The following UBR1 variants were observed in gnomAD, a reference collection of about 807,000 sequenced individuals.
UBR1 encodes the protein E3 ubiquitin-protein ligase UBR1.
A neutral mutation model predicts 242.1 loss-of-function variants in UBR1; 102 were observed. That is an observed-to-expected ratio of 0.42 (90% CI 0.36 to 0.50). The LOEUF is 0.50. Ranked by LOEUF, UBR1 falls within the 20% of genes least tolerant of loss-of-function variation. UBR1 has a pLI of 0.01. For missense variants in UBR1, 1,772 were observed against 2,101.8 expected (o/e 0.84, Z 3.07); for synonymous variants, 675 against 684.8 (o/e 0.99, Z 0.22).
At chr15:42,962,963 A>G (rs959528997) in intron 42 of UBR1, among the ~76,000 whole-genome samples, 1 of 152,228 alleles carries the variant, frequency 6.6e-6, no homozygotes, top group Non-Finnish European at 1.5e-5. Flanking sequence ...GAGGGTCTGG[A>G]AAGATACAGA....
intron 32 of UBR1, 121 bp from the exon 33 acceptor site, chr15:42,998,386 T>C (rs2032672172): frequency 5.8e-6 from 5 of 857,086 alleles, no homozygotes; most frequent in East Asian, 5.3e-5. Context: ...TCCAGATTAA[T>C]TTCCTAGGTC....
At chr15:43,092,211 T>A in intron 1 of UBR1, 1 of 292,576 alleles carries the variant, frequency 3.4e-6, no homozygotes, top group Non-Finnish European at 6.9e-6. Context: ...AACTTATTTA[T>A]CCCTCAAGGC....
rs191472991 is a variant in UBR1, at chr15:43,077,913, G to A, written c.418-2824C>T. ...TCCTCCAAAACATAAAAAGAATAAG[G>A]AGAACACTAAAACCATACATTATCC... On this transcript the variant is annotated intron_variant, in intron 3 of 46. Coordinates refer to ENST00000290650, the MANE Select transcript of UBR1 (RefSeq NM_174916.3). 3.3e-5 allele frequency among the ~76,000 whole-genome samples: 5 copies of A among 152,108 alleles called. No homozygotes were observed. In the East Asian group the frequency reaches 9.7e-4, roughly 29 times the overall value.
intron 15 of UBR1, among the ~76,000 whole-genome samples, chr15:43,038,794 A>G (rs2033373455): frequency 6.6e-6 from 1 of 152,220 alleles, no homozygotes; most frequent in Admixed American, 6.5e-5. Flanking sequence ...TTCTGCCTTT[A>G]GCCACGTATC....
chr15:43,014,857 A>G (rs2032990496), intron 29 of UBR1, among the ~76,000 whole-genome samples: 1 of 141,484 alleles, frequency 7.1e-6, no homozygotes. Context: ...CCGCCCGGCC[A>G]GCCGCCCCGT....
chr15:43,059,311 C>T (rs2141336878), intron 8 of UBR1, 119 bp from the exon 9 acceptor site: 3 of 824,348 alleles, frequency 3.6e-6, no homozygotes, highest in Non-Finnish European at 6.1e-6. Context: ...GCGATCCTTC[C>T]ACCTCAGCCT....
chr15:42,953,907 G>T (rs1179158443), intron 44 of UBR1, among the ~76,000 whole-genome samples: 1 of 146,446 alleles, frequency 6.8e-6, no homozygotes, highest in Non-Finnish European at 1.5e-5. Context: ...TTTTGAGACA[G>T]GGTCTGGCTC....
chr15:43,049,288 A>C (rs2033523197), intron 12 of UBR1, among the ~76,000 whole-genome samples: 1 of 152,186 alleles, frequency 6.6e-6, no homozygotes, highest in East Asian at 1.9e-4. Flanking sequence ...TAAAAGAGGT[A>C]ATGTATGGCT....
At chr15:42,993,497 A>G (rs2032587702) in intron 33 of UBR1, among the ~76,000 whole-genome samples, 1 of 151,820 alleles carries the variant, frequency 6.6e-6, no homozygotes, top group South Asian at 2.1e-4. Flanking sequence ...CCATCCGAGT[A>G]GCTGGGATTA....
chr15:43,081,228 C>T (rs991345935), intron 3 of UBR1, among the ~76,000 whole-genome samples: 1 of 151,828 alleles, frequency 6.6e-6, no homozygotes, highest in Admixed American at 6.6e-5. Flanking sequence ...ACCAGCCTGA[C>T]CAGCAGAGTG....
At chr15:43,019,791 A>T (rs1296575504) in intron 27 of UBR1, among the ~76,000 whole-genome samples, 1 of 146,646 alleles carries the variant, frequency 6.8e-6, no homozygotes, top group Non-Finnish European at 1.5e-5. Flanking sequence ...TTTTTAGTAG[A>T]GACAGGGTTT....
chr15:43,075,041 CCT>C lies in UBR1; in HGVS notation c.464_465del (p.Glu155GlyfsTer12). On this transcript the variant is annotated frameshift_variant, in exon 4 of 47. Transcript: ENST00000290650. LOFTEE classifies it high-confidence loss of function. Reference sequence around the variant, plus strand: ...ACACAAAAAGGGCCAGTTTTCCATGCCTCTGTGTCTCCACAGTCACAGAACCC... The same window carrying C: ...ACACAAAAAGGGCCAGTTTTCCATGCCTGTGTCTCCACAGTCACAGAACCC... Reference protein sequence around the residue: ...GGGFCDCGDTEAWKTGPFCVN... With the variant: ...GGGFCDCGDTXAWKTGPFCVN... 1.9e-6 allele frequency: 3 copies of C among 1,614,112 alleles called. No homozygotes were observed.
intron 22 of UBR1, 38 bp from the exon 23 acceptor site, chr15:43,026,701 CT>C (rs772812303): frequency 2.0e-6 from 3 of 1,524,402 alleles, no homozygotes; most frequent in Admixed American, 3.3e-5. Flanking sequence ...CTGCAGTGTT[CT>C]TGAAGTATAA....
At chr15:43,019,804 C>T (rs996350955) in intron 27 of UBR1, among the ~76,000 whole-genome samples, 3 of 149,632 alleles carry the variant, frequency 2.0e-5, no homozygotes, top group Non-Finnish European at 3.0e-5. Flanking sequence ...CAGGGTTTCA[C>T]CATCTTGGCC....
intron 29 of UBR1, among the ~76,000 whole-genome samples, chr15:43,013,734 G>T (rs1181880565): frequency 3.3e-5 from 5 of 152,164 alleles, no homozygotes; most frequent in Non-Finnish European, 7.3e-5. Flanking sequence ...AAGTACCATA[G>T]AGTCTTCACT....
rs778728550 is a variant in UBR1, at chr15:43,037,803, C to T, written c.1992G>A (p.Trp664Ter). The T allele has an allele frequency of 6.2e-7, 1 of 1,614,074 alleles. No individual in the cohort carries two copies. Among genetic ancestry groups the T allele is most frequent in the Admixed American group, 1.7e-5 (1 of 60,012 alleles). Residue 664 changes from tryptophan to a stop codon, truncating the protein, a stop_gained, in exon 17 of 47, where the codon TGG (tryptophan) becomes TGA (stop). Transcript: ENST00000290650. LOFTEE classifies it high-confidence loss of function. ...VLVAQVVAEMWRRNGLSLISQ... is the reference protein window; with the variant it reads ...VLVAQVVAEM ...TAATAAGAGACAGTCCATTTCTTCG[C>T]CACATCTCAGCAACAACCTGGGCAA...
intron 23 of UBR1, 107 bp downstream of exon 23, chr15:43,026,454 A>G (rs375754468): frequency 1.2e-6 from 1 of 841,192 alleles, no homozygotes; most frequent in South Asian, 1.4e-5. Context: ...AATGACCTCT[A>G]TTAATAAGAA....
chr15:42,966,353 T>G, intron 40 of UBR1, 67 bp from the exon 41 acceptor site: 2 of 1,582,464 alleles, frequency 1.3e-6, no homozygotes, highest in East Asian at 2.2e-5. Flanking sequence ...TTTAAACATA[T>G]CCCCCTTTTC....
intron 29 of UBR1, among the ~76,000 whole-genome samples, chr15:43,014,081 G>C (rs1192463173): frequency 6.6e-6 from 1 of 152,242 alleles, no homozygotes; most frequent in Admixed American, 6.5e-5. Context: ...ACAGGGTTTC[G>C]CTGTGTTGGC....
Sources: gnomAD v4.1 joint callset for allele counts (sites outside exome capture counted in the v4.1 genomes callset) on GRCh38, gnomAD v4.1.1 for gene constraint, MANE v1.5 for transcripts, NCBI Gene and HGNC (gene_info 2026-07-23, HGNC 2026-07-21) for gene names.